PDS5B: variants seen among roughly 807,000 people sequenced by gnomAD.
PDS5B encodes sister chromatid cohesion protein PDS5 homolog B.
In PDS5B, 51 loss-of-function variants were observed where a neutral mutation model predicts 184.1. That is an observed-to-expected ratio of 0.28 (90% CI 0.22 to 0.35). The LOEUF (loss-of-function observed/expected upper bound fraction) is 0.35, where lower values mean the gene tolerates loss of function less well. PDS5B is among the 10% of genes least tolerant of loss of function. The pLI is 1.00. For synonymous variants in PDS5B, 566 were observed against 569.2 expected (o/e 0.99, Z 0.08); for missense variants, 1,180 against 1,723.3 (o/e 0.68, Z 5.58).
chr13:32,742,204 A>C (rs941715785), intron 22 of PDS5B, among the ~76,000 whole-genome samples: 1 of 152,248 alleles, frequency 6.6e-6, no homozygotes, highest in Non-Finnish European at 1.5e-5. Context: ...TAAATACTTC[A>C]TAATCATAAA....
At chr13:32,761,127 G>A (rs1954379985) in intron 30 of PDS5B, among the ~76,000 whole-genome samples, 1 of 152,122 alleles carries the variant, frequency 6.6e-6, no homozygotes, top group Non-Finnish European at 1.5e-5. Flanking sequence ...GCAGCATTAT[G>A]GAATCTTTAA....
intron 1 of PDS5B, among the ~76,000 whole-genome samples, chr13:32,622,378 T>C (rs73451436): frequency 0.02 from 3,035 of 152,248 alleles, 106 homozygotes; most frequent in African/African-American, 0.069. Flanking sequence ...TTTACTGACT[T>C]GATTACATTT....
intron 1 of PDS5B, among the ~76,000 whole-genome samples, chr13:32,602,770 CTT>C (rs1181698400): frequency 6.6e-6 from 1 of 152,130 alleles, no homozygotes; most frequent in Non-Finnish European, 1.5e-5. Flanking sequence ...TGTTTCCTGA[CTT>C]TTTAAAGATC....
At chr13:32,653,535 A>T (rs1454597221) in intron 3 of PDS5B, among the ~76,000 whole-genome samples, 1 of 152,176 alleles carries the variant, frequency 6.6e-6, no homozygotes, top group Non-Finnish European at 1.5e-5. Context: ...AGTCTACCAC[A>T]ATTCAAGTAG....
intron 24 of PDS5B, among the ~76,000 whole-genome samples, chr13:32,746,575 A>T (rs550454922): frequency 6.6e-6 from 1 of 152,348 alleles, no homozygotes; most frequent in African/African-American, 2.4e-5. Context: ...TGTAAGGAAT[A>T]TCAGAGCCTT....
At position 32,669,011 on chromosome 13, in the gene PDS5B, T is replaced by C. The variant is rs534624173; in HGVS notation, c.705+1167T>C. Among the ~76,000 whole-genome samples, 370 of 152,312 alleles carry C rather than the reference T, an allele frequency of 2.4e-3. 2 individuals are homozygous for C. The highest frequency in any genetic ancestry group is 8.1e-3 in the African/African-American group (335 of 41,580). ...AATCAAATCTGTAATCTATCTTAAT[T>C]GCTCCAAGATTTTCAGGGAACTTCC... On this transcript the variant is annotated intron_variant, in intron 7 of 34. Coordinates refer to ENST00000315596, the MANE Select transcript of PDS5B (RefSeq NM_015032.4).
chr13:32,716,543 GGCAGCCACCCC>G (rs1158475194), intron 19 of PDS5B, among the ~76,000 whole-genome samples: 1 of 151,798 alleles, frequency 6.6e-6, no homozygotes, highest in Non-Finnish European at 1.5e-5. Context: ...GTCTCCACCC[GGCAGCCACCCC>G]ATCTGGGAGG....
chr13:32,620,312 T>C (rs2058280193), intron 1 of PDS5B, among the ~76,000 whole-genome samples: 1 of 152,174 alleles, frequency 6.6e-6, no homozygotes, highest in Non-Finnish European at 1.5e-5. Flanking sequence ...CCTTATGTTG[T>C]TGATTTCTTT....
intron 19 of PDS5B, among the ~76,000 whole-genome samples, chr13:32,727,513 T>A (rs1038772859): frequency 3.3e-5 from 5 of 152,042 alleles, no homozygotes; most frequent in African/African-American, 1.2e-4. Flanking sequence ...TTATAGTGAA[T>A]TTTTTGGTCT....
At chr13:32,725,647 G>A (rs1409175927) in intron 19 of PDS5B, among the ~76,000 whole-genome samples, 9 of 152,110 alleles carry the variant, frequency 5.9e-5, no homozygotes, top group South Asian at 2.1e-4. Context: ...TTGTTTATAC[G>A]GATACTTACA....
intron 24 of PDS5B, among the ~76,000 whole-genome samples, chr13:32,751,425 A>C (rs979519196): frequency 6.6e-6 from 1 of 152,210 alleles, no homozygotes. Context: ...GTTCTTTGAG[A>C]AATCACCAAC....
chr13:32,663,570 ACTT>A (rs1447987620), intron 6 of PDS5B, among the ~76,000 whole-genome samples: 4 of 152,162 alleles, frequency 2.6e-5, no homozygotes, highest in African/African-American at 9.7e-5. Flanking sequence ...TTGAAATAGA[ACTT>A]AAATTGATAA....
chr13:32,727,179 A>G (rs764049600), intron 19 of PDS5B, among the ~76,000 whole-genome samples: 2 of 152,234 alleles, frequency 1.3e-5, no homozygotes, highest in Middle Eastern at 3.4e-3. Flanking sequence ...TATCTTTACT[A>G]TTGGTTTATC....
intron 9 of PDS5B, among the ~76,000 whole-genome samples, chr13:32,678,367 AT>A (rs1412623908): frequency 1.3e-5 from 2 of 152,174 alleles, no homozygotes; most frequent in African/African-American, 4.8e-5. Flanking sequence ...ACACTTTTAG[AT>A]TCATGTAATA....
At chr13:32,615,511 A>C (rs180982879) in intron 1 of PDS5B, among the ~76,000 whole-genome samples, 334 of 152,340 alleles carry the variant, frequency 2.2e-3, no homozygotes, top group African/African-American at 7.6e-3. Context: ...GATGGCTCCT[A>C]CTGGGATCGA....
At chr13:32,630,724 C>T (rs541578122) in intron 1 of PDS5B, among the ~76,000 whole-genome samples, 2 of 152,070 alleles carry the variant, frequency 1.3e-5, no homozygotes, top group South Asian at 2.1e-4. Context: ...CAGGTTTCCA[C>T]TCAAATGTCA....
intron 19 of PDS5B, among the ~76,000 whole-genome samples, chr13:32,716,625 A>AGCCCCCC (rs1952433319): frequency 7.1e-6 from 1 of 141,400 alleles, no homozygotes; most frequent in Non-Finnish European, 1.5e-5. Flanking sequence ...TGGGGGGGTC[A>AGCCCCCC]GCCCCCCGCC....
At chr13:32,661,587 G>C (rs150874053) in intron 6 of PDS5B, among the ~76,000 whole-genome samples, 7 of 152,020 alleles carry the variant, frequency 4.6e-5, no homozygotes, top group Admixed American at 4.6e-4. Flanking sequence ...ATGGAGAATT[G>C]AGAAGAGATG....
chr13:32,699,675 A>C lies in PDS5B; in HGVS notation c.1601-55A>C, dbSNP rs1293707620. ...AAGGAATGAAAAATATTGACCTATT[A>C]TTATTTTAAGAATTAAAAAAAATTG... On this transcript the variant is annotated intron_variant, in intron 15 of 34. Coordinates refer to ENST00000315596, the MANE Select transcript of PDS5B (RefSeq NM_015032.4). The C allele has an allele frequency of 5.1e-6, 5 of 989,318 alleles. No individual in the cohort carries two copies. In the African/African-American group the frequency reaches 8.6e-5, roughly 17 times the overall value. 61.3% of individuals were successfully genotyped at this position (989,318 alleles called of 1,614,324 possible). A position where few individuals can be genotyped will look rare whatever the true frequency, so the allele number is the denominator to read the frequency against.
Sources: allele counts gnomAD v4.1 joint callset (sites outside exome capture counted in the v4.1 genomes callset), GRCh38; gene constraint gnomAD v4.1.1; transcripts MANE v1.5; gene names NCBI Gene and HGNC (gene_info 2026-07-23, HGNC 2026-07-21).